The following CFTR variants were observed in gnomAD, a reference collection of about 807,000 sequenced individuals.
CFTR encodes CF transmembrane conductance regulator.
A neutral mutation model predicts 171.6 loss-of-function variants in CFTR; 181 were observed. That is an observed-to-expected ratio of 1.05 (90% CI 0.93 to 1.19). The LOEUF (loss-of-function observed/expected upper bound fraction) is 1.19. Among genes scored for constraint, CFTR ranks in the 50% most tolerant of loss-of-function variants. CFTR has a pLI of 0.00. For missense variants in CFTR, 1,968 were observed against 1,734.7 expected (o/e 1.13, Z -2.39); for synonymous variants, 583 against 608.0 (o/e 0.96, Z 0.60).
In CFTR at chr7:117,480,030, A is replaced by T; in HGVS notation, c.-65A>T. ...TTGAGCGGCAGGCACCCAGAGTAGTAGGTCTTTGGCATTAGGAGCTTGAGC... is the reference window on the plus strand; with the variant it reads ...TTGAGCGGCAGGCACCCAGAGTAGTTGGTCTTTGGCATTAGGAGCTTGAGC... On this transcript the variant is annotated 5_prime_UTR_variant, in exon 1 of 27. Coordinates refer to ENST00000003084, the MANE Select transcript of CFTR (RefSeq NM_000492.4). 1 of 1,435,458 alleles carries T rather than the reference A, an allele frequency of 7.0e-7. No homozygotes were observed. The allele number at this position is 1,435,458 out of a possible 1,614,324, so 88.9% of individuals were successfully genotyped here. A position where few individuals can be genotyped will look rare whatever the true frequency, so the allele number is the denominator to read the frequency against.
chr7:117,637,173 T>C (rs1037782960), intron 22 of CFTR, among the ~76,000 whole-genome samples: 3 of 152,118 alleles, frequency 2.0e-5, no homozygotes, highest in Admixed American at 2.0e-4. Flanking sequence ...CCAACATCCC[T>C]GTCATATCTG....
chr7:117,613,997 A>ATTT (rs1468130932), intron 20 of CFTR, among the ~76,000 whole-genome samples: 2 of 132,028 alleles, frequency 1.5e-5, no homozygotes, highest in African/African-American at 6.0e-5. Context: ...AGGTACAGTA[A>ATTT]TCTTTTTTTT....
chr7:117,579,241 T>A (rs1388621553), intron 11 of CFTR, among the ~76,000 whole-genome samples: 11 of 151,990 alleles, frequency 7.2e-5, no homozygotes, highest in Admixed American at 6.6e-4. Flanking sequence ...AATAGAAAGA[T>A]CATAATTTTT....
At chr7:117,633,954 GT>G (rs1310610397) in intron 22 of CFTR, among the ~76,000 whole-genome samples, 1 of 152,020 alleles carries the variant, frequency 6.6e-6, no homozygotes, top group Non-Finnish European at 1.5e-5. Flanking sequence ...TTGGTGTGTA[GT>G]TTTTTGTGAC....
intron 17 of CFTR, among the ~76,000 whole-genome samples, chr7:117,604,282 T>C (rs903544783): frequency 3.3e-5 from 5 of 152,324 alleles, no homozygotes; most frequent in Non-Finnish European, 5.9e-5. Flanking sequence ...TATATCATCA[T>C]ATTTGAAGTA....
chr7:117,582,957 T>C (rs1389051525), intron 11 of CFTR, among the ~76,000 whole-genome samples: 3 of 152,140 alleles, frequency 2.0e-5, no homozygotes, highest in Admixed American at 6.6e-5. Context: ...CTAATATTTT[T>C]TCACCTTATT....
At chr7:117,571,276 G>A (rs949661270) in intron 11 of CFTR, among the ~76,000 whole-genome samples, 5 of 152,098 alleles carry the variant, frequency 3.3e-5, no homozygotes, top group Non-Finnish European at 7.4e-5. Context: ...CCAGGGAGCT[G>A]GAAAACATGT....
At position 117,667,157 on chromosome 7, in the gene CFTR, T is replaced by C; in HGVS notation, c.*49T>C. On this transcript the variant is annotated 3_prime_UTR_variant, in exon 27 of 27. Transcript: ENST00000003084. The stretch of plus-strand genomic sequence containing the variant: ...GGACATTTGCTCATGGAATTGGAGC[T>C]CGTGGGACAGTCACCTCATGGAATT... The C allele has an allele frequency of 6.5e-7, 1 of 1,530,688 alleles. No homozygotes were observed. Among genetic ancestry groups the C allele is most frequent in the South Asian group, 1.1e-5 (1 of 87,692 alleles). The allele number at this position is 1,530,688 out of a possible 1,614,324, so 94.8% of individuals were successfully genotyped here.
At chr7:117,530,362 T>C (rs1798838772) in intron 3 of CFTR, among the ~76,000 whole-genome samples, 1 of 152,174 alleles carries the variant, frequency 6.6e-6, no homozygotes, top group Non-Finnish European at 1.5e-5. Context: ...GCTAAGTTCA[T>C]TCTGAAAATA....
intron 1 of CFTR, among the ~76,000 whole-genome samples, chr7:117,484,267 A>G (rs887185452): frequency 6.6e-6 from 1 of 152,220 alleles, no homozygotes; most frequent in African/African-American, 2.4e-5. Flanking sequence ...AATAAAATAG[A>G]TGCATAAAAC....
At chr7:117,628,548 T>G (rs909145124) in intron 22 of CFTR, among the ~76,000 whole-genome samples, 3 of 152,128 alleles carry the variant, frequency 2.0e-5, no homozygotes, top group Non-Finnish European at 4.4e-5. Context: ...AAACTGAATT[T>G]TAAAACTTTA....
chr7:117,486,014 G>A (rs1398537548), intron 1 of CFTR, among the ~76,000 whole-genome samples: 1 of 152,092 alleles, frequency 6.6e-6, no homozygotes, highest in African/African-American at 2.4e-5. Context: ...GATAAAAAGG[G>A]GTCAAAGCAA....
intron 3 of CFTR, among the ~76,000 whole-genome samples, chr7:117,525,152 T>C (rs944728918): frequency 6.6e-6 from 1 of 152,220 alleles, no homozygotes; most frequent in African/African-American, 2.4e-5. Flanking sequence ...CAAACTCACA[T>C]TTAAAATGTG....
chr7:117,596,985 C>G (rs1792140173), intron 15 of CFTR, among the ~76,000 whole-genome samples: 1 of 152,168 alleles, frequency 6.6e-6, no homozygotes, highest in Non-Finnish European at 1.5e-5. Flanking sequence ...CCAATCAGCT[C>G]TCTGTAAAAC....
intron 2 of CFTR, among the ~76,000 whole-genome samples, chr7:117,507,702 C>A (rs1798443546): frequency 6.6e-6 from 1 of 152,196 alleles, no homozygotes; most frequent in Non-Finnish European, 1.5e-5. Flanking sequence ...CATTAGCAAG[C>A]TTCTAGGGGA....
chr7:117,657,892 C>T (rs1436908179), intron 24 of CFTR, among the ~76,000 whole-genome samples: 2 of 152,162 alleles, frequency 1.3e-5, no homozygotes, highest in African/African-American at 2.4e-5. Context: ...GCTTCCATGT[C>T]CAGTGTAGAA....
At chr7:117,587,616 A>T in intron 11 of CFTR, 123 bp from the exon 12 acceptor site, 1 of 641,632 alleles carries the variant, frequency 1.6e-6, no homozygotes, top group Non-Finnish European at 2.8e-6. Context: ...TGCAATGTTC[A>T]AAATTTCAAC....
intron 24 of CFTR, among the ~76,000 whole-genome samples, chr7:117,660,972 T>G (rs1300813186): frequency 6.6e-6 from 1 of 152,124 alleles, no homozygotes; most frequent in African/African-American, 2.4e-5. Flanking sequence ...TAAGAGCCAG[T>G]TGAAAGAATA....
chr7:117,543,560 A>G (rs1165152291), intron 9 of CFTR, among the ~76,000 whole-genome samples: 5 of 152,228 alleles, frequency 3.3e-5, no homozygotes, highest in African/African-American at 1.2e-4. Flanking sequence ...CAGCATTTCT[A>G]TGACCTAAAT....
Sources: gnomAD v4.1 joint callset for allele counts (sites outside exome capture counted in the v4.1 genomes callset) on GRCh38, gnomAD v4.1.1 for gene constraint, MANE v1.5 for transcripts, NCBI Gene and HGNC (gene_info 2026-07-23, HGNC 2026-07-21) for gene names.